The following PAK2 variants were observed in gnomAD, a reference collection of about 807,000 sequenced individuals.
PAK2 encodes serine/threonine-protein kinase PAK 2.
PAK2 carries 21 observed loss-of-function variants against 65.9 expected under a neutral mutation model. The ratio of observed to expected loss-of-function variants is 0.32; its 90% CI spans 0.23 to 0.46. PAK2 has a LOEUF of 0.46. Ranked by LOEUF, PAK2 falls within the 20% of genes least tolerant of loss-of-function variation. PAK2 has a pLI of 1.00. For missense variants in PAK2, 324 were observed against 642.6 expected (o/e 0.50, Z 5.36); for synonymous variants, 204 against 219.7 (o/e 0.93, Z 0.63).
At chr3:196,788,919 G>T (rs1307431143) in intron 2 of PAK2, among the ~76,000 whole-genome samples, 2 of 152,140 alleles carry the variant, frequency 1.3e-5, no homozygotes, top group Non-Finnish European at 2.9e-5. Flanking sequence ...CAGCAGAAGA[G>T]GCTGAAGAGG....
At chr3:196,802,615 C>T (rs28415522) in intron 3 of PAK2, among the ~76,000 whole-genome samples, 2,351 of 152,146 alleles carry the variant, frequency 0.015, 64 homozygotes, top group African/African-American at 0.053. Context: ...GAGGCCGAGG[C>T]GGGTGGATCA....
chr3:196,744,477 A>G (rs1274903666), intron 1 of PAK2, among the ~76,000 whole-genome samples: 3 of 152,144 alleles, frequency 2.0e-5, no homozygotes, highest in Non-Finnish European at 2.9e-5. Context: ...AGTTGGAGGT[A>G]TAGTGAGCTA....
At chr3:196,783,323 G>A (rs935020416) in intron 2 of PAK2, among the ~76,000 whole-genome samples, 2 of 152,170 alleles carry the variant, frequency 1.3e-5, no homozygotes, top group Non-Finnish European at 2.9e-5. Context: ...CAAAATATAT[G>A]TCTAGTTCAG....
At chr3:196,755,324 A>G (rs73205819) in intron 1 of PAK2, among the ~76,000 whole-genome samples, 124 of 152,306 alleles carry the variant, frequency 8.1e-4, no homozygotes, top group Non-Finnish European at 1.6e-3. Context: ...TGATAAATCT[A>G]GTGAGGCTGA....
intron 1 of PAK2, among the ~76,000 whole-genome samples, chr3:196,778,980 G>A (rs954637525): frequency 2.0e-5 from 3 of 151,946 alleles, no homozygotes; most frequent in Non-Finnish European, 4.4e-5. Context: ...GATGTTAACT[G>A]TGGTCACTTG....
At chr3:196,816,833 C>G (rs1716042379) in intron 11 of PAK2, among the ~76,000 whole-genome samples, 1 of 152,034 alleles carries the variant, frequency 6.6e-6, no homozygotes, top group Non-Finnish European at 1.5e-5. Context: ...AGTAGTTTAC[C>G]CCCACTTTGT....
At chr3:196,825,409 C>T (rs528964719) in intron 13 of PAK2, among the ~76,000 whole-genome samples, 5 of 151,212 alleles carry the variant, frequency 3.3e-5, no homozygotes, top group Non-Finnish European at 5.9e-5. Context: ...TTTGGGAGGC[C>T]AAGGCGGGCA....
At chr3:196,827,787 A>C (rs1018289510) in intron 14 of PAK2, among the ~76,000 whole-genome samples, 1 of 152,224 alleles carries the variant, frequency 6.6e-6, no homozygotes, top group Non-Finnish European at 1.5e-5. Context: ...CTGTGAATAA[A>C]ATTCTGACAA....
Position 196,830,623 on chromosome 3 carries a change from C to T in PAK2, c.*2218C>T, listed in dbSNP as rs553089498. 4 of 152,178 alleles carry T rather than the reference C, an allele frequency of 2.6e-5. No homozygotes were observed. The highest frequency in any genetic ancestry group is 9.7e-5 in the African/African-American group (4 of 41,436). The allele number at this position is 152,178 out of a possible 1,614,324, so 9.4% of individuals were successfully genotyped here. On this transcript the variant is annotated 3_prime_UTR_variant, in exon 15 of 15. Transcript: ENST00000327134. ...AGAAGCAGTTTGGGATTTGTAGTTG[C>T]GACTTCTTCGATAGTTACCTGCACG...
In PAK2 at chr3:196,828,662, A is replaced by T. The variant is rs1711963884; in HGVS notation, c.*257A>T. ...CCTTAGGTCTTTCAGCAAACAGCCT[A>T]TCAGGGCCATTTATCATGTGTGAGA... On this transcript the variant is annotated 3_prime_UTR_variant, in exon 15 of 15. Transcript: ENST00000327134. The T allele has an allele frequency of 2.4e-6, 1 of 418,522 alleles. No individual in the cohort carries two copies. Among genetic ancestry groups the T allele is most frequent in the Admixed American group, 4.6e-5 (1 of 21,748 alleles). 25.9% of individuals were successfully genotyped at this position (418,522 alleles called of 1,614,324 possible).
chr3:196,759,490 T>G (rs914496574), intron 1 of PAK2, among the ~76,000 whole-genome samples: 2 of 108,368 alleles, frequency 1.8e-5, no homozygotes, highest in African/African-American at 7.3e-5. Flanking sequence ...AGTTAAGTGG[T>G]TTTTTTTGTT....
chr3:196,810,329 T>C (rs938937518), intron 7 of PAK2, among the ~76,000 whole-genome samples: 4 of 152,124 alleles, frequency 2.6e-5, no homozygotes, highest in Admixed American at 6.6e-5. Context: ...TTAGGAGGTC[T>C]AACCTAATGG....
chr3:196,751,696 A>ACC (rs373145395), intron 1 of PAK2, among the ~76,000 whole-genome samples: 19,007 of 72,582 alleles, frequency 0.26, 4,618 homozygotes, highest in African/African-American at 0.37. Flanking sequence ...TATATATATA[A>ACC]TTCAGGCTAT....
intron 1 of PAK2, among the ~76,000 whole-genome samples, chr3:196,762,039 C>T (rs1218698031): frequency 4.5e-5 from 6 of 132,138 alleles, no homozygotes; most frequent in East Asian, 2.3e-4. Flanking sequence ...CGGGCAGAGA[C>T]GCTCCTCACC....
Position 196,805,261 on chromosome 3 carries a change from C to T in PAK2, c.437-91C>T, listed in dbSNP as rs1428317009. On this transcript the variant is annotated intron_variant, in intron 4 of 14. Coordinates refer to ENST00000327134, the MANE Select transcript of PAK2 (RefSeq NM_002577.4). ...ATTCAACTTGAAATCAGTTTAAGAA[C>T]ATTTCACTTTCTCTGCTTTTTTTTT... The T allele has an allele frequency of 8.5e-6, 6 of 703,756 alleles. No homozygotes were observed. The Admixed American group carries it at 1.5e-4, about 17-fold the overall frequency. 43.6% of individuals were successfully genotyped at this position (703,756 alleles called of 1,614,324 possible).
intron 1 of PAK2, among the ~76,000 whole-genome samples, chr3:196,744,534 T>C (rs976136110): frequency 3.9e-5 from 6 of 152,216 alleles, no homozygotes; most frequent in African/African-American, 1.4e-4. Context: ...CAAGACCCTG[T>C]CTTATAAAAT....
At chr3:196,740,736 C>G (rs1356139146) in intron 1 of PAK2, among the ~76,000 whole-genome samples, 3 of 152,174 alleles carry the variant, frequency 2.0e-5, no homozygotes, top group African/African-American at 7.2e-5. Flanking sequence ...ACGAACTGAT[C>G]TTTCGGAGCT....
intron 1 of PAK2, among the ~76,000 whole-genome samples, chr3:196,779,747 T>C (rs1339771112): frequency 6.6e-6 from 1 of 152,232 alleles, no homozygotes; most frequent in Non-Finnish European, 1.5e-5. Context: ...ATCTCAGCTC[T>C]GCAACCTCTG....
chr3:196,818,655 C>T (rs1027676838), intron 12 of PAK2, among the ~76,000 whole-genome samples: 8 of 152,218 alleles, frequency 5.3e-5, no homozygotes, highest in East Asian at 1.9e-4. Flanking sequence ...CGTGAGCCAC[C>T]GCGGCTGGCC....
Sources: allele counts gnomAD v4.1 joint callset (sites outside exome capture counted in the v4.1 genomes callset), GRCh38; gene constraint gnomAD v4.1.1; transcripts MANE v1.5; gene names NCBI Gene and HGNC (gene_info 2026-07-23, HGNC 2026-07-21).